The following DPH6 variants were observed in gnomAD, a reference collection of about 807,000 sequenced individuals.
DPH6 encodes the protein diphthine--ammonia ligase.
Under a neutral mutation model 38.2 loss-of-function variants are expected in DPH6, and 33 were observed. That is an observed-to-expected ratio of 0.86 (90% confidence interval 0.65 to 1.15). The LOEUF (loss-of-function observed/expected upper bound fraction) is 1.15. Among genes scored for constraint, DPH6 ranks in the 50% most tolerant of loss-of-function variants. The probability of loss-of-function intolerance (pLI) is 0.00; values close to 1 mark genes in which losing one functional copy is unlikely to be tolerated. For missense variants in DPH6, 325 were observed against 320.0 expected, an observed-to-expected ratio of 1.02 and a Z score of -0.12; for synonymous variants, 108 against 103.0, an observed-to-expected ratio of 1.05 and a Z score of -0.30.
chr15:35,152,767 G>A, the DPH6 span, among the ~76,000 whole-genome samples: 4 of 152,212 alleles, frequency 2.6e-5, no homozygotes, highest in East Asian at 1.9e-4. Context: ...CCAAAGTGCC[G>A]GGATTACAGG....
the DPH6 span, among the ~76,000 whole-genome samples, chr15:35,179,204 C>CAAAAAAAAAA: frequency 9.9e-3 from 491 of 49,552 alleles, no homozygotes; most frequent in Non-Finnish European, 0.013. Flanking sequence ...ACAACTCTGT[C>CAAAAAAAAAA]AAAAAAAAAA....
intron 5 of DPH6, among the ~76,000 whole-genome samples, chr15:35,443,192 T>A (rs1483535094): frequency 6.6e-6 from 1 of 152,222 alleles, no homozygotes; most frequent in East Asian, 1.9e-4. Flanking sequence ...AGAAATTATA[T>A]CATCAGTAGT....
chr15:35,545,077 C>T lies in DPH6; in HGVS notation c.23+1042G>A, dbSNP rs574916396. ...CTACAGTAGGTCTGAAATCTCATAT[C>T]AAGTCCTTAATAGGTCAAAACTTAC... is the stretch of plus-strand genomic sequence containing the variant. On this transcript the variant is annotated intron_variant, in intron 1 of 8. Coordinates refer to ENST00000256538, the MANE Select transcript of DPH6 (RefSeq NM_080650.4). Among the ~76,000 whole-genome samples the T allele has an allele frequency of 7.9e-5, 12 of 152,282 alleles. No homozygotes were observed. The East Asian group carries it at 2.1e-3, about 27-fold the overall frequency.
chr15:35,427,113 C>CA (rs2053579676), intron 5 of DPH6, among the ~76,000 whole-genome samples: 1 of 151,450 alleles, frequency 6.6e-6, no homozygotes, highest in South Asian at 2.1e-4. Context: ...ATGAGGACAG[C>CA]AAGTAAAGAG....
At chr15:35,318,453 A>G (rs2052211886) in intron 3 of DPH6, among the ~76,000 whole-genome samples, 1 of 152,188 alleles carries the variant, frequency 6.6e-6, no homozygotes, top group South Asian at 2.1e-4. Context: ...AACTTTTAGT[A>G]AACTTTACTT....
intron 5 of DPH6, among the ~76,000 whole-genome samples, chr15:35,426,955 T>C (rs2053577103): frequency 6.6e-6 from 1 of 150,614 alleles, no homozygotes; most frequent in Non-Finnish European, 1.5e-5. Flanking sequence ...CATGACATTT[T>C]TCCCCCTGAA....
intron 3 of DPH6, among the ~76,000 whole-genome samples, chr15:35,491,629 T>C (rs2054480316): frequency 6.6e-6 from 1 of 151,750 alleles, no homozygotes; most frequent in African/African-American, 2.4e-5. Flanking sequence ...TATAGATTTA[T>C]GTCTATATAG....
At chr15:35,281,530 G>T (rs1322762100) in intron 3 of DPH6, among the ~76,000 whole-genome samples, 1 of 152,168 alleles carries the variant, frequency 6.6e-6, no homozygotes, top group Non-Finnish European at 1.5e-5. Context: ...TAAGCAGGAG[G>T]CTGGAAGCCA....
intron 3 of DPH6, among the ~76,000 whole-genome samples, chr15:35,340,887 GT>G (rs773274226): frequency 2.0e-5 from 3 of 152,100 alleles, no homozygotes; most frequent in Non-Finnish European, 4.4e-5. Flanking sequence ...GTATCTTACT[GT>G]GGTTCTCTGC....
chr15:35,310,678 G>A (rs1381253194), intron 3 of DPH6, among the ~76,000 whole-genome samples: 1 of 152,050 alleles, frequency 6.6e-6, no homozygotes, highest in Non-Finnish European at 1.5e-5. Flanking sequence ...CTGAAGTTCA[G>A]CTTTAAAAAG....
At chr15:35,175,150 G>A in the DPH6 span, among the ~76,000 whole-genome samples, 3 of 152,138 alleles carry the variant, frequency 2.0e-5, no homozygotes, top group Admixed American at 6.6e-5. Flanking sequence ...TGCTTACACT[G>A]CAGTTTATGC....
At chr15:35,357,743 GA>G (rs2052577665) in intron 3 of DPH6, among the ~76,000 whole-genome samples, 2 of 152,206 alleles carry the variant, frequency 1.3e-5, no homozygotes, top group Non-Finnish European at 2.9e-5. Context: ...TTTCTGCTGA[GA>G]AATCTGCTGT....
intron 3 of DPH6, among the ~76,000 whole-genome samples, chr15:35,511,706 A>T (rs1013720269): frequency 6.7e-6 from 1 of 149,162 alleles, no homozygotes; most frequent in South Asian, 2.1e-4. Context: ...ATTATCATTT[A>T]AAAAAAAAAG....
chr15:35,301,431 G>A (rs73393335), intron 3 of DPH6, among the ~76,000 whole-genome samples: 2,923 of 152,228 alleles, frequency 0.019, 87 homozygotes, highest in African/African-American at 0.066. Context: ...GAAAAATTAG[G>A]AATTCTGCAT....
chr15:35,352,211 T>C (rs2052518756), intron 3 of DPH6, among the ~76,000 whole-genome samples: 1 of 152,180 alleles, frequency 6.6e-6, no homozygotes, highest in Non-Finnish European at 1.5e-5. Context: ...GCATTTGTAT[T>C]ATTGCTTAGC....
At chr15:35,329,455 A>T (rs1311823174), downstream of DPH6, among the ~76,000 whole-genome samples, 1 of 152,196 alleles carries the variant, frequency 6.6e-6, no homozygotes, top group African/African-American at 2.4e-5. Context: ...AATTCTAAAT[A>T]CCTGAATTTC....
intron 5 of DPH6, among the ~76,000 whole-genome samples, chr15:35,447,951 T>G (rs1469991482): frequency 6.6e-6 from 1 of 152,232 alleles, no homozygotes; most frequent in African/African-American, 2.4e-5. Flanking sequence ...ACACCATCAT[T>G]TAACTGAACA....
chr15:35,515,675 C>T (rs1035179980), intron 3 of DPH6, among the ~76,000 whole-genome samples: 3 of 135,150 alleles, frequency 2.2e-5, no homozygotes, highest in Non-Finnish European at 4.6e-5. Context: ...GAGCCAAGAT[C>T]GTGCCACTAC....
chr15:35,152,792 C>G, the DPH6 span, among the ~76,000 whole-genome samples: 3 of 152,180 alleles, frequency 2.0e-5, no homozygotes, highest in Non-Finnish European at 4.4e-5. Flanking sequence ...AGCCACTCAG[C>G]CCAGCCAGAT....
Sources: allele counts gnomAD v4.1 joint callset (sites outside exome capture counted in the v4.1 genomes callset), GRCh38; gene constraint gnomAD v4.1.1; transcripts MANE v1.5; gene names NCBI Gene and HGNC (gene_info 2026-07-23, HGNC 2026-07-21).